NOM1: variants seen among roughly 807,000 people sequenced by gnomAD.
NOM1 encodes the protein nucleolar MIF4G domain-containing protein 1.
Under a neutral mutation model 73.3 loss-of-function variants are expected in NOM1, and 58 were observed. The ratio of observed to expected loss-of-function variants is 0.79; its 90% CI spans 0.64 to 0.99. The LOEUF (loss-of-function observed/expected upper bound fraction) is 0.99. Ranked by LOEUF, NOM1 falls within the 50% of genes least tolerant of loss-of-function variation. NOM1 has a pLI of 0.00. For synonymous variants in NOM1, 487 were observed against 446.8 expected (o/e 1.09, Z -1.14); for missense variants, 1,226 against 1,131.9 (o/e 1.08, Z -1.19).
intron 7 of NOM1, among the ~76,000 whole-genome samples, chr7:156,964,562 C>A (rs1460890392): frequency 6.6e-6 from 1 of 151,864 alleles, no homozygotes; most frequent in Non-Finnish European, 1.5e-5. Context: ...GGGCAACATA[C>A]TGAGACCCCC....
intron 2 of NOM1, 82 bp downstream of exon 2, chr7:156,952,680 A>T (rs1804624466): frequency 1.4e-6 from 2 of 1,458,618 alleles, no homozygotes; most frequent in Non-Finnish European, 1.9e-6. Context: ...CAGCAATTCA[A>T]ATAGAAGTGA....
chr7:156,969,593 T>A lies in NOM1; in HGVS notation c.2473T>A (p.Leu825Met). Residue 825 changes from leucine (L) to methionine (M), a missense_variant, in exon 11 of 11, where the codon TTG becomes ATG. Physicochemically the swap from Leu to Met is conservative, Grantham distance 15. Coordinates refer to ENST00000275820, the MANE Select transcript of NOM1 (RefSeq NM_138400.2). ...EGLKLFISHF[L>M]LKNAQAHRSA... Reference sequence around the variant, plus strand: ...TTTGAAGCTTTTCATCAGCCACTTCTTGCTAAAGAACGCACAGGCCCACAG... The same window carrying A: ...TTTGAAGCTTTTCATCAGCCACTTCATGCTAAAGAACGCACAGGCCCACAG... 2 of 1,614,120 alleles carry A rather than the reference T, an allele frequency of 1.2e-6. No homozygotes were observed. Among genetic ancestry groups the A allele is most frequent in the Non-Finnish European group, 1.7e-6 (2 of 1,180,024 alleles).
intron 9 of NOM1, 91 bp downstream of exon 9, chr7:156,967,183 ATTTTC>A: frequency 7.1e-7 from 1 of 1,417,694 alleles, no homozygotes. Flanking sequence ...TTACCAGCGT[ATTTTC>A]TTCGATTCTG....
intron 1 of NOM1, among the ~76,000 whole-genome samples, chr7:156,951,117 A>C (rs1804581426): frequency 6.6e-6 from 1 of 152,196 alleles, no homozygotes; most frequent in Non-Finnish European, 1.5e-5. Flanking sequence ...GCTAATTTAC[A>C]GCACTCCCTT....
chr7:156,969,287 T>C, intron 10 of NOM1, 91 bp downstream of exon 10: 1 of 831,956 alleles, frequency 1.2e-6, no homozygotes, highest in African/African-American at 1.7e-5. Context: ...GGTTGTACTA[T>C]ACGTGTAGCT....
intron 2 of NOM1, 58 bp downstream of exon 2, chr7:156,952,656 T>C: frequency 3.8e-6 from 6 of 1,562,270 alleles, no homozygotes; most frequent in Non-Finnish European, 4.4e-6. Context: ...TTTCCTAAAA[T>C]GTAGGAATTA....
chr7:156,955,002 A>G (rs7810790), intron 3 of NOM1, among the ~76,000 whole-genome samples: 118,409 of 152,154 alleles, frequency 0.78, 46,159 homozygotes, highest in Admixed American at 0.85. Flanking sequence ...GGGGCATGGA[A>G]CTGCCTGGAC....
rs542525026 is a variant in NOM1, at chr7:156,973,004, G to T, written c.*3301G>T. On this transcript the variant is annotated 3_prime_UTR_variant, in exon 11 of 11. Transcript: ENST00000275820. ...TGAAAATACACTTAAAATACTGCAG[G>T]ATGCTTAGTGCTCAGTGTTATGTAT... 2.0e-5 allele frequency: 3 copies of T among 152,272 alleles called. No individual in the cohort carries two copies. The South Asian group carries it at 6.2e-4, about 32-fold the overall frequency. 9.4% of individuals were successfully genotyped at this position (152,272 alleles called of 1,614,324 possible).
At chr7:156,958,284 G>C (rs1009217834) in intron 3 of NOM1, among the ~76,000 whole-genome samples, 1 of 152,106 alleles carries the variant, frequency 6.6e-6, no homozygotes. Flanking sequence ...TGCCCCTCAC[G>C]TAGTTCCTGG....
In NOM1 at chr7:156,967,052, A is replaced by C. The variant is rs1312145780; in HGVS notation, c.2258A>C (p.His753Pro). Residue 753 changes from histidine to proline, a missense_variant, in exon 9 of 11, where the codon CAC (histidine) becomes CCC (proline). His to Pro is a moderately conservative substitution (Grantham distance 77). Transcript: ENST00000275820. Reference protein sequence around the residue: ...NFSNLVHLVAHLLKTKSLSLS... With the variant: ...NFSNLVHLVAPLLKTKSLSLS... ...TCTAATTTGGTTCATCTGGTGGCCC[A>C]CTTGTTGAAGACAAAATCGCTTTCC... The C allele has an allele frequency of 1.9e-6, 3 of 1,613,380 alleles. No individual in the cohort carries two copies. In the Admixed American group the frequency reaches 5.0e-5, roughly 27 times the overall value.
At chr7:156,963,715 C>T (rs1804925608) in intron 6 of NOM1, 190 bp from the exon 7 acceptor site, 1 of 522,464 alleles carries the variant, frequency 1.9e-6, no homozygotes, top group East Asian at 3.3e-5. Context: ...GTGTTTTCTC[C>T]CCCAGCGGCT....
In NOM1 at chr7:156,950,099, G is replaced by T; in HGVS notation, c.362G>T (p.Gly121Val). The T allele has an allele frequency of 6.5e-7, 1 of 1,548,816 alleles. No homozygotes were observed. Among genetic ancestry groups the T allele is most frequent in the Middle Eastern group, 1.7e-4 (1 of 5,818 alleles). ...CGAAGCGGAGCCGAAGAAGCCAGCG[G>T]TCACCGGCAGGACACGGAGGAGCGC... is the stretch of plus-strand genomic sequence containing the variant. ...GGRSGAEEAS[G>V]HRQDTEERAR... is the part of the protein sequence containing the mutation. The change falls in exon 1 of 11, where the codon GGT becomes GTT. Residue 121 changes from glycine (G) to valine (V), a missense_variant. Transcript: ENST00000275820.
intron 3 of NOM1, among the ~76,000 whole-genome samples, chr7:156,955,192 G>C (rs913632095): frequency 3.9e-5 from 6 of 152,174 alleles, no homozygotes; most frequent in African/African-American, 1.4e-4. Flanking sequence ...CAACCCTTGT[G>C]GTTAAAGTCA....
chr7:156,962,142 TTC>T lies in NOM1; in HGVS notation c.1633-7_1633-6del. ...TGATGGACTTTCCATTTTTTCATTT[TTC>T]TTGAAGATTCGGTTTATGCTAGAGA... On this transcript the variant is annotated splice_polypyrimidine_tract_variant and splice_region_variant and intron_variant, in intron 4 of 10. Coordinates refer to ENST00000275820, the MANE Select transcript of NOM1 (RefSeq NM_138400.2). The T allele has an allele frequency of 6.2e-7, 1 of 1,611,908 alleles. No homozygotes were observed. Among genetic ancestry groups the T allele is most frequent in the Non-Finnish European group, 8.5e-7 (1 of 1,178,116 alleles).
chr7:156,966,855 A>G, intron 8 of NOM1, 106 bp from the exon 9 acceptor site: 1 of 1,239,872 alleles, frequency 8.1e-7, no homozygotes, highest in Non-Finnish European at 1.1e-6. Flanking sequence ...TGTTTAGAAT[A>G]TTAAAAATAA....
Position 156,953,417 on chromosome 7 carries a change from C to T in NOM1, c.1113-686C>T, listed in dbSNP as rs143288375. ...TGCTGGGATTACAGGCATGAGTCAC[C>T]GCACCGGGGCAGTTCTGTAGTTTTA... On this transcript the variant is annotated intron_variant, in intron 2 of 10. Coordinates refer to ENST00000275820, the MANE Select transcript of NOM1 (RefSeq NM_138400.2). Among the ~76,000 whole-genome samples, 39 of 152,266 alleles carry T rather than the reference C, an allele frequency of 2.6e-4. 1 individual carries two copies. The highest frequency in any genetic ancestry group is 8.9e-4 in the African/African-American group (37 of 41,558).
intron 3 of NOM1, among the ~76,000 whole-genome samples, 196 bp downstream of exon 3, chr7:156,954,494 T>C (rs1190751741): frequency 2.8e-5 from 1 of 35,666 alleles, no homozygotes; most frequent in African/African-American, 1.0e-4. Flanking sequence ...TTGATTTTGC[T>C]TAACTTTGCT....
intron 8 of NOM1, 146 bp from the exon 9 acceptor site, chr7:156,966,815 G>A (rs1805009675): frequency 4.6e-6 from 4 of 868,592 alleles, no homozygotes; most frequent in Non-Finnish European, 6.9e-6. Flanking sequence ...CTATAGGCAA[G>A]AACAGTGAGG....
At chr7:156,952,645 G>C (rs759990060) in intron 2 of NOM1, 47 bp downstream of exon 2, 9 of 1,582,450 alleles carry the variant, frequency 5.7e-6, no homozygotes, top group Non-Finnish European at 7.7e-6. Context: ...GAGGTTGTCT[G>C]TTTCCTAAAA....
Sources: allele counts gnomAD v4.1 joint callset (sites outside exome capture counted in the v4.1 genomes callset), GRCh38; gene constraint gnomAD v4.1.1; transcripts MANE v1.5; gene names NCBI Gene and HGNC (gene_info 2026-07-23, HGNC 2026-07-21).